Variants in RAPGEF2 observed in about 807,000 individuals in gnomAD.
The protein encoded by RAPGEF2 is Rap guanine nucleotide exchange factor 2.
In RAPGEF2, 54 loss-of-function variants were observed where a neutral mutation model predicts 186.7. That is an observed-to-expected ratio of 0.29 (90% CI 0.23 to 0.36). The LOEUF is 0.36. RAPGEF2 is among the 10% of genes least tolerant of loss of function. The pLI, the probability that RAPGEF2 is intolerant of heterozygous loss-of-function variation, is 1.00. For synonymous variants in RAPGEF2, 712 were observed against 705.9 expected (o/e 1.01, Z -0.14); for missense variants, 1,532 against 2,045.0 (o/e 0.75, Z 4.84).
At chr4:159,164,320 C>CTT (rs1745069866) in intron 1 of RAPGEF2, among the ~76,000 whole-genome samples, 2 of 136,578 alleles carry the variant, frequency 1.5e-5, no homozygotes, top group African/African-American at 5.4e-5. Flanking sequence ...TTTTTTTTTT[C>CTT]CTTCTTCTTC....
intron 7 of RAPGEF2, among the ~76,000 whole-genome samples, chr4:159,283,762 T>G (rs1391701543): frequency 6.6e-6 from 1 of 152,138 alleles, no homozygotes; most frequent in Non-Finnish European, 1.5e-5. Context: ...AGCCAGGACA[T>G]TTTTTTAAAA....
intron 1 of RAPGEF2, among the ~76,000 whole-genome samples, chr4:159,129,171 G>A (rs1458780219): frequency 4.6e-5 from 7 of 151,622 alleles, no homozygotes; most frequent in Admixed American, 4.6e-4. Context: ...AAATCTTATC[G>A]CTTTCTTTTT....
intron 4 of RAPGEF2, among the ~76,000 whole-genome samples, chr4:159,214,943 G>A (rs551147722): frequency 6.6e-6 from 1 of 152,112 alleles, no homozygotes; most frequent in Non-Finnish European, 1.5e-5. Context: ...GCTCACTGCA[G>A]CCTCCGCCTT....
intron 1 of RAPGEF2, among the ~76,000 whole-genome samples, chr4:159,144,208 T>C (rs1475166822): frequency 6.6e-6 from 1 of 151,850 alleles, no homozygotes; most frequent in African/African-American, 2.4e-5. Flanking sequence ...TTAAAGTTCA[T>C]CCGAATACTG....
chr4:159,338,440 T>C lies in RAPGEF2; in HGVS notation c.2265T>C (p.His755=), dbSNP rs756508538. 7.4e-6 allele frequency: 12 copies of C among 1,614,084 alleles called. No individual in the cohort carries two copies. Among genetic ancestry groups the C allele is most frequent in the Non-Finnish European group, 1.0e-5 (12 of 1,179,920 alleles). The change falls in exon 18 of 30, where the codon CAT becomes CAC. Residue 755 remains histidine (H), a synonymous_variant. Coordinates refer to ENST00000691494, the MANE Select transcript of RAPGEF2 (RefSeq NM_001394067.2). ...ATCCTGATTTATTGCAGTCACATCATCGCATTTTAGACTTCAGTGCTACTC... is the reference window on the plus strand; with the variant it reads ...ATCCTGATTTATTGCAGTCACATCACCGCATTTTAGACTTCAGTGCTACTC... The part of the protein sequence containing the change: ...SSNPDLLQSH[H]RILDFSATPD...
At chr4:159,126,772 A>G (rs1309540347) in intron 1 of RAPGEF2, among the ~76,000 whole-genome samples, 1 of 152,148 alleles carries the variant, frequency 6.6e-6, no homozygotes, top group Non-Finnish European at 1.5e-5. Flanking sequence ...TCAGAGCTAC[A>G]AGAGGAAAAA....
chr4:159,350,557 T>C (rs765522579), intron 26 of RAPGEF2, among the ~76,000 whole-genome samples: 1 of 152,186 alleles, frequency 6.6e-6, no homozygotes, highest in Admixed American at 6.5e-5. Flanking sequence ...CAGATAAATA[T>C]ACAAAGAATT....
At chr4:159,350,110 T>G in intron 25 of RAPGEF2, 27 bp from the exon 26 acceptor site, 1 of 1,420,024 alleles carries the variant, frequency 7.0e-7, no homozygotes, top group African/African-American at 1.5e-5. Context: ...AAAATACATA[T>G]TTAAGGTTTT....
chr4:159,343,915 T>G (rs1729901637), intron 22 of RAPGEF2, 121 bp from the exon 23 acceptor site: 3 of 978,722 alleles, frequency 3.1e-6, no homozygotes, highest in Non-Finnish European at 4.8e-6. Context: ...ATTATGCAGT[T>G]TAATGTTTGT....
At chr4:159,302,059 C>T (rs1048169680) in intron 7 of RAPGEF2, among the ~76,000 whole-genome samples, 6 of 152,114 alleles carry the variant, frequency 3.9e-5, no homozygotes, top group Admixed American at 1.3e-4. Context: ...AACGATATTT[C>T]TTTCTCTTTT....
intron 8 of RAPGEF2, among the ~76,000 whole-genome samples, chr4:159,307,836 T>C (rs1579869037): frequency 6.6e-6 from 1 of 151,960 alleles, no homozygotes; most frequent in Non-Finnish European, 1.5e-5. Context: ...CCAGGTGTAG[T>C]GGTGCATGCC....
At chr4:159,337,903 A>AAAAAAAAAAAAAAC in intron 17 of RAPGEF2, among the ~76,000 whole-genome samples, 1 of 148,270 alleles carries the variant, frequency 6.7e-6, no homozygotes, top group Non-Finnish European at 1.5e-5. Context: ...AAAAAAAAAA[A>AAAAAAAAAAAAAAC]AAAAAAAAAA....
chr4:159,341,632 G>A lies in RAPGEF2; in HGVS notation c.2603G>A (p.Arg868Lys), dbSNP rs1486071511. ...CSDEDAQELL[R>K]ESQISLLQLS... ...GATGAAGATGCTCAGGAGTTGTTGAGAGAGAGTCAAATTTCCCTCCTTCAG... is the reference window on the plus strand; with the variant it reads ...GATGAAGATGCTCAGGAGTTGTTGAAAGAGAGTCAAATTTCCCTCCTTCAG... Residue 868 changes from arginine to lysine, a missense_variant, in exon 20 of 30, where the codon AGA (arginine) becomes AAA (lysine). By Grantham distance (26) the Arg-to-Lys change is conservative. Transcript: ENST00000691494. 5.6e-6 allele frequency: 9 copies of A among 1,613,784 alleles called. No individual in the cohort carries two copies. Among genetic ancestry groups the A allele is most frequent in the Non-Finnish European group, 7.6e-6 (9 of 1,179,902 alleles).
chr4:159,122,987 T>C (rs1200411249), intron 1 of RAPGEF2, among the ~76,000 whole-genome samples: 1 of 152,122 alleles, frequency 6.6e-6, no homozygotes, highest in Non-Finnish European at 1.5e-5. Flanking sequence ...ATTAAACAAA[T>C]TTAAGATACT....
At chr4:159,110,880 G>A (rs920218139) in intron 1 of RAPGEF2, among the ~76,000 whole-genome samples, 55 of 145,038 alleles carry the variant, frequency 3.8e-4, no homozygotes, top group Admixed American at 2.1e-4. Context: ...AATTGATCTT[G>A]TAACTTTATC....
intron 4 of RAPGEF2, among the ~76,000 whole-genome samples, chr4:159,235,584 C>A (rs904966177): frequency 2.0e-5 from 3 of 152,238 alleles, no homozygotes; most frequent in African/African-American, 7.2e-5. Context: ...CATTTTTTTC[C>A]ACTAAGTAAT....
intron 7 of RAPGEF2, among the ~76,000 whole-genome samples, chr4:159,292,121 A>G (rs1486051893): frequency 6.6e-6 from 1 of 152,152 alleles, no homozygotes; most frequent in East Asian, 1.9e-4. Flanking sequence ...ATTGACTCGT[A>G]CATTTTGAGC....
intron 7 of RAPGEF2, among the ~76,000 whole-genome samples, chr4:159,302,761 A>AT (rs1372434170): frequency 2.6e-5 from 4 of 151,696 alleles, no homozygotes; most frequent in South Asian, 4.2e-4. Flanking sequence ...AATATTACAT[A>AT]TTTTTTTATT....
chr4:159,346,672 T>A, intron 24 of RAPGEF2, 117 bp from the exon 25 acceptor site: 1 of 828,712 alleles, frequency 1.2e-6, no homozygotes, highest in South Asian at 1.7e-5. Context: ...AAGAAAGGTG[T>A]GCATTAATTT....
Sources: allele counts gnomAD v4.1 joint callset (sites outside exome capture counted in the v4.1 genomes callset), GRCh38; gene constraint gnomAD v4.1.1; transcripts MANE v1.5; gene names NCBI Gene and HGNC (gene_info 2026-07-23, HGNC 2026-07-21).